The following LUZP2 variants were observed in gnomAD, a reference collection of about 807,000 sequenced individuals.
LUZP2 encodes the protein leucine zipper protein 2.
In LUZP2, 52 loss-of-function variants were observed where a neutral mutation model predicts 51.6. The observed-to-expected ratio is 1.01, with a 90% CI of 0.81 to 1.27. LUZP2 has a LOEUF of 1.27. Ranked by LOEUF, LUZP2 falls within the 50% of genes most tolerant of loss-of-function variation. The pLI, the probability that LUZP2 is intolerant of heterozygous loss-of-function variation, is 0.00. For synonymous variants in LUZP2, 154 were observed against 137.3 expected, an observed-to-expected ratio of 1.12 and a Z score of -0.85; for missense variants, 436 against 395.4, an observed-to-expected ratio of 1.10 and a Z score of -0.87.
intron 5 of LUZP2, among the ~76,000 whole-genome samples, chr11:24,849,525 C>A (rs1851320333): frequency 6.6e-6 from 1 of 152,130 alleles, no homozygotes; most frequent in Non-Finnish European, 1.5e-5. Flanking sequence ...CATAGTCTAT[C>A]ATTCATGGGC....
At chr11:24,851,286 C>T (rs1851386863) in intron 5 of LUZP2, among the ~76,000 whole-genome samples, 1 of 152,136 alleles carries the variant, frequency 6.6e-6, no homozygotes, top group Admixed American at 6.5e-5. Flanking sequence ...AGATACATTC[C>T]ATCAATACCT....
intron 1 of LUZP2, among the ~76,000 whole-genome samples, chr11:24,638,692 G>A (rs937339616): frequency 1.5e-4 from 22 of 146,816 alleles, no homozygotes; most frequent in Non-Finnish European, 3.3e-4. Flanking sequence ...TAATGAAAGT[G>A]GAAATTAGTG....
chr11:24,739,455 C>T (rs112044099), intron 4 of LUZP2, among the ~76,000 whole-genome samples: 152 of 152,112 alleles, frequency 1.0e-3, no homozygotes, highest in African/African-American at 3.4e-3. Flanking sequence ...ACCTCTGAGA[C>T]GTTGGAGCAT....
chr11:24,657,784 A>G (rs1855860254), intron 1 of LUZP2, among the ~76,000 whole-genome samples: 1 of 152,148 alleles, frequency 6.6e-6, no homozygotes, highest in South Asian at 2.1e-4. Context: ...TACACCATTA[A>G]CAAACAGAGA....
intron 1 of LUZP2, among the ~76,000 whole-genome samples, chr11:24,695,032 A>G (rs1403056840): frequency 6.6e-6 from 1 of 152,044 alleles, no homozygotes; most frequent in African/African-American, 2.4e-5. Context: ...ACCATGGTAC[A>G]TGTATACCTA....
chr11:24,651,632 A>G (rs953122809), intron 1 of LUZP2, among the ~76,000 whole-genome samples: 1 of 152,170 alleles, frequency 6.6e-6, no homozygotes, highest in Admixed American at 6.6e-5. Flanking sequence ...TGTGAAGATT[A>G]ATTTTAAATA....
intron 1 of LUZP2, among the ~76,000 whole-genome samples, chr11:24,727,884 A>G (rs888014505): frequency 2.6e-5 from 4 of 152,050 alleles, no homozygotes; most frequent in African/African-American, 9.7e-5. Context: ...AGTCTATTCT[A>G]GATGAGATGA....
intron 5 of LUZP2, among the ~76,000 whole-genome samples, chr11:24,813,577 A>C (rs969311978): frequency 4.6e-5 from 7 of 152,214 alleles, no homozygotes; most frequent in Non-Finnish European, 8.8e-5. Context: ...ACTCAGAGCA[A>C]GAGCTCACTT....
rs185927992 is a variant in LUZP2, at chr11:24,604,290, T to C, written c.62+106985T>C. On this transcript the variant is annotated intron_variant, in intron 1 of 11. Transcript: ENST00000336930. ...ATAATCCTGCAAGCACATTACTATG[T>C]GATGGATAAATTTATTCATTCAACA... Among the ~76,000 whole-genome samples the C allele has an allele frequency of 1.3e-3, 190 of 151,958 alleles. 1 individual carries two copies. The highest frequency in any genetic ancestry group is 4.4e-3 in the African/African-American group (183 of 41,522).
chr11:24,785,337 G>A (rs1021982471), intron 5 of LUZP2, among the ~76,000 whole-genome samples: 41 of 152,034 alleles, frequency 2.7e-4, no homozygotes, highest in African/African-American at 9.4e-4. Context: ...ACAATCTAAG[G>A]CTTAAATACA....
At chr11:25,022,576 A>G (rs1857369936) in intron 9 of LUZP2, among the ~76,000 whole-genome samples, 1 of 152,128 alleles carries the variant, frequency 6.6e-6, no homozygotes, top group Non-Finnish European at 1.5e-5. Context: ...TCTGTAATTT[A>G]GTATCAGTAA....
At chr11:24,904,978 A>G (rs555876461) in intron 5 of LUZP2, among the ~76,000 whole-genome samples, 1 of 152,300 alleles carries the variant, frequency 6.6e-6, no homozygotes, top group East Asian at 1.9e-4. Flanking sequence ...TTACATCAGA[A>G]AAATTAGACT....
At chr11:25,016,388 A>G (rs1045783803) in intron 9 of LUZP2, among the ~76,000 whole-genome samples, 7 of 152,042 alleles carry the variant, frequency 4.6e-5, no homozygotes, top group African/African-American at 1.7e-4. Context: ...CTCAGCTACA[A>G]TTGAGAACCT....
At chr11:24,810,355 T>G (rs1849983613) in intron 5 of LUZP2, among the ~76,000 whole-genome samples, 1 of 152,150 alleles carries the variant, frequency 6.6e-6, no homozygotes, top group South Asian at 2.1e-4. Flanking sequence ...AATAAAAGAT[T>G]AACAATTACA....
chr11:24,800,078 C>T (rs1305242766), intron 5 of LUZP2, among the ~76,000 whole-genome samples: 1 of 152,100 alleles, frequency 6.6e-6, no homozygotes, highest in African/African-American at 2.4e-5. Flanking sequence ...CTCTCTCGGT[C>T]CTTTGTCTTC....
intron 1 of LUZP2, among the ~76,000 whole-genome samples, chr11:24,595,563 G>A (rs4625463): frequency 6.6e-6 from 1 of 152,160 alleles, no homozygotes; most frequent in South Asian, 2.1e-4. Context: ...TTTTACATTA[G>A]AGGTTATTCA....
At chr11:24,507,889 G>T (rs577372858) in intron 1 of LUZP2, among the ~76,000 whole-genome samples, 1 of 151,936 alleles carries the variant, frequency 6.6e-6, no homozygotes, top group African/African-American at 2.4e-5. Flanking sequence ...AATAGAATGT[G>T]CAACTATGCC....
chr11:25,028,979 C>G (rs543515761), intron 9 of LUZP2, among the ~76,000 whole-genome samples: 1 of 151,982 alleles, frequency 6.6e-6, no homozygotes, highest in Non-Finnish European at 1.5e-5. Flanking sequence ...AAGCCAGGCA[C>G]GGAAAGACAA....
intron 7 of LUZP2, among the ~76,000 whole-genome samples, chr11:24,954,194 G>A (rs930169893): frequency 6.6e-6 from 1 of 151,840 alleles, no homozygotes; most frequent in Non-Finnish European, 1.5e-5. Context: ...TTTGTACAGT[G>A]TTCTGTGTTC....
Sources: gnomAD v4.1 joint callset for allele counts (sites outside exome capture counted in the v4.1 genomes callset) on GRCh38, gnomAD v4.1.1 for gene constraint, MANE v1.5 for transcripts, NCBI Gene and HGNC (gene_info 2026-07-23, HGNC 2026-07-21) for gene names.